The following CPQ variants were observed in gnomAD, a reference collection of about 807,000 sequenced individuals.
CPQ encodes the protein Ser-Met dipeptidase.
A neutral mutation model predicts 45.7 loss-of-function variants in CPQ; 37 were observed. The ratio of observed to expected loss-of-function variants is 0.81; its 90% CI spans 0.62 to 1.07. The LOEUF (loss-of-function observed/expected upper bound fraction) is 1.07. Among genes scored for constraint, CPQ ranks in the 50% least tolerant of loss-of-function variants. The pLI is 0.00. For missense variants in CPQ, 537 were observed against 572.9 expected (o/e 0.94, Z 0.64); for synonymous variants, 186 against 205.8 (o/e 0.90, Z 0.82).
chr8:96,975,066 T>G (rs1050920882), intron 5 of CPQ, among the ~76,000 whole-genome samples: 8 of 151,864 alleles, frequency 5.3e-5, no homozygotes, highest in Non-Finnish European at 7.4e-5. Flanking sequence ...CAAAAGCTGG[T>G]TCTTTGAAAA....
At chr8:96,936,635 A>G (rs866359846) in intron 4 of CPQ, among the ~76,000 whole-genome samples, 256 of 152,332 alleles carry the variant, frequency 1.7e-3, no homozygotes, top group African/African-American at 6.1e-3. Context: ...AACATACAGA[A>G]ATATCTAAAT....
At chr8:96,913,063 C>T (rs1188978032) in intron 4 of CPQ, among the ~76,000 whole-genome samples, 2 of 152,182 alleles carry the variant, frequency 1.3e-5, no homozygotes, top group East Asian at 3.9e-4. Flanking sequence ...TCCTCATACC[C>T]CTTCTTCTCT....
At chr8:96,992,768 A>G (rs1005157954) in intron 5 of CPQ, among the ~76,000 whole-genome samples, 2 of 152,170 alleles carry the variant, frequency 1.3e-5, no homozygotes, top group African/African-American at 4.8e-5. Context: ...TTTTCCATAA[A>G]TTAACCAGAG....
intron 1 of CPQ, among the ~76,000 whole-genome samples, chr8:96,679,385 T>G (rs929245474): frequency 1.3e-5 from 2 of 152,090 alleles, no homozygotes; most frequent in African/African-American, 4.8e-5. Context: ...TTTCTTTTTA[T>G]TTTTTAGTGT....
At chr8:96,862,798 G>A (rs893774625) in intron 3 of CPQ, among the ~76,000 whole-genome samples, 4 of 152,010 alleles carry the variant, frequency 2.6e-5, no homozygotes, top group Admixed American at 2.0e-4. Context: ...CCTATGTGAC[G>A]ATGTTCTGGC....
At chr8:96,741,044 G>A (rs1810081089) in intron 1 of CPQ, among the ~76,000 whole-genome samples, 1 of 152,298 alleles carries the variant, frequency 6.6e-6, no homozygotes, top group Non-Finnish European at 1.5e-5. Flanking sequence ...GTTTCAGAAG[G>A]AATGGTACCA....
chr8:96,754,973 A>C (rs1810312284), intron 1 of CPQ, among the ~76,000 whole-genome samples: 1 of 151,766 alleles, frequency 6.6e-6, no homozygotes, highest in Non-Finnish European at 1.5e-5. Context: ...TCTTCCATCT[A>C]TTTATTTGAT....
chr8:97,125,051 A>T (rs1487088145), intron 7 of CPQ, among the ~76,000 whole-genome samples: 1 of 152,194 alleles, frequency 6.6e-6, no homozygotes, highest in Non-Finnish European at 1.5e-5. Context: ...TGGCAATCTC[A>T]GGTGTGAAAC....
rs550579707 is a variant in CPQ at position 96,862,919 on chromosome 8, G to A, written c.642-16879G>A. On this transcript the variant is annotated intron_variant, in intron 3 of 7. Transcript: ENST00000220763. ...CTGCCATCTTGGTCTAGGTCCAGCT[G>A]CTAATTTGGACCCTAGCAATATTGG... 2.6e-5 allele frequency among the ~76,000 whole-genome samples: 4 copies of A among 152,148 alleles called. No individual in the cohort carries two copies. The South Asian group carries it at 8.3e-4, about 32-fold the overall frequency.
chr8:96,731,292 A>G (rs1254181317), intron 1 of CPQ, among the ~76,000 whole-genome samples: 1 of 152,118 alleles, frequency 6.6e-6, no homozygotes, highest in Non-Finnish European at 1.5e-5. Flanking sequence ...AATGAAGACT[A>G]AAGTTGGATA....
intron 7 of CPQ, among the ~76,000 whole-genome samples, chr8:97,122,692 C>T (rs1301742769): frequency 6.6e-6 from 1 of 151,586 alleles, no homozygotes; most frequent in Admixed American, 6.6e-5. Flanking sequence ...TGAGAACAGG[C>T]TGACCAACAA....
intron 5 of CPQ, among the ~76,000 whole-genome samples, chr8:96,971,617 C>A (rs1813681117): frequency 6.6e-6 from 1 of 152,178 alleles, no homozygotes; most frequent in African/African-American, 2.4e-5. Context: ...CTATTAAAAT[C>A]ACTGGTCCTC....
chr8:97,024,422 C>T (rs534198584), intron 5 of CPQ, among the ~76,000 whole-genome samples: 51 of 152,204 alleles, frequency 3.4e-4, no homozygotes, highest in Non-Finnish European at 6.5e-4. Flanking sequence ...TGTTGCCCTG[C>T]CCTAATGCTC....
rs186298302 is a variant in CPQ at position 97,108,703 on chromosome 8, G to A, written c.1256-34317G>A. On this transcript the variant is annotated intron_variant, in intron 7 of 7. Transcript: ENST00000220763. ...AAGTAAAACTCCTTGTTTGTAAAAG[G>A]TGAATAAAAACCACTTTTGTGTTAC... is the stretch of plus-strand genomic sequence containing the variant. 3.3e-5 allele frequency among the ~76,000 whole-genome samples: 5 copies of A among 152,298 alleles called. No homozygotes were observed. The South Asian group carries it at 1.0e-3, about 32-fold the overall frequency.
chr8:97,070,567 T>A (rs1017620363), intron 7 of CPQ, among the ~76,000 whole-genome samples: 1 of 152,122 alleles, frequency 6.6e-6, no homozygotes, highest in Admixed American at 6.6e-5. Context: ...AAATAAAGGA[T>A]ACTAAGAGCC....
At chr8:96,930,887 G>A (rs573934947) in intron 4 of CPQ, among the ~76,000 whole-genome samples, 3 of 152,240 alleles carry the variant, frequency 2.0e-5, no homozygotes, top group South Asian at 2.1e-4. Flanking sequence ...GACATTTATG[G>A]GGCAAAGACA....
At chr8:96,733,109 A>C (rs115974729) in intron 1 of CPQ, among the ~76,000 whole-genome samples, 2,931 of 152,276 alleles carry the variant, frequency 0.019, 105 homozygotes, top group African/African-American at 0.067. Flanking sequence ...TATACATTTG[A>C]TGGCTGGGGC....
At chr8:96,876,017 A>C (rs1286164787) in intron 3 of CPQ, among the ~76,000 whole-genome samples, 1 of 151,958 alleles carries the variant, frequency 6.6e-6, no homozygotes, top group African/African-American at 2.4e-5. Context: ...CATGTTGGTT[A>C]AATTTATTTG....
chr8:96,770,856 G>C (rs1810533795), intron 1 of CPQ, among the ~76,000 whole-genome samples: 2 of 148,956 alleles, frequency 1.3e-5, no homozygotes, highest in African/African-American at 4.9e-5. Flanking sequence ...AAAGGCTCTA[G>C]CACAGCCACC....
Sources: allele counts gnomAD v4.1 joint callset (sites outside exome capture counted in the v4.1 genomes callset), GRCh38; gene constraint gnomAD v4.1.1; transcripts MANE v1.5; gene names NCBI Gene and HGNC (gene_info 2026-07-23, HGNC 2026-07-21).